Variants in ARFGEF1 observed in about 807,000 individuals in gnomAD.
The protein encoded by ARFGEF1 is ARF guanine nucleotide exchange factor 1.
A neutral mutation model predicts 231.0 loss-of-function variants in ARFGEF1; 42 were observed. The observed-to-expected ratio is 0.18, with a 90% CI of 0.14 to 0.24. The LOEUF is 0.24. Ranked by LOEUF, ARFGEF1 falls within the 10% of genes least tolerant of loss-of-function variation. ARFGEF1 has a pLI of 1.00. For synonymous variants in ARFGEF1, 710 were observed against 732.3 expected (o/e 0.97, Z 0.49); for missense variants, 1,345 against 2,192.0 (o/e 0.61, Z 7.72).
chr8:67,180,023 TAAAAA>T, intron 5 of ARFGEF1: 1 of 472,980 alleles, frequency 2.1e-6, no homozygotes, highest in Non-Finnish European at 3.6e-6. Flanking sequence ...TACAAGGTAG[TAAAAA>T]AAAAAAAAGG....
intron 33 of ARFGEF1, among the ~76,000 whole-genome samples, chr8:67,215,614 G>A (rs1047070640): frequency 6.6e-6 from 1 of 152,192 alleles, no homozygotes; most frequent in African/African-American, 2.4e-5. Flanking sequence ...GATGGTGGCA[G>A]AGATTGGAGT....
chr8:67,298,261 T>C (rs1022310039), intron 4 of ARFGEF1, among the ~76,000 whole-genome samples: 2 of 152,170 alleles, frequency 1.3e-5, no homozygotes, highest in African/African-American at 4.8e-5. Context: ...ATATAGCACA[T>C]GAAAATTTTA....
intron 1 of ARFGEF1, among the ~76,000 whole-genome samples, chr8:67,314,039 G>A (rs1395358421): frequency 2.0e-5 from 3 of 152,074 alleles, no homozygotes; most frequent in South Asian, 2.1e-4. Context: ...GGTTGTCAGC[G>A]AAGTGGGGGA....
chr8:67,300,544 C>G (rs1437110756), intron 3 of ARFGEF1, among the ~76,000 whole-genome samples: 1 of 151,186 alleles, frequency 6.6e-6, no homozygotes, highest in Non-Finnish European at 1.5e-5. Flanking sequence ...ACTGGCCAGG[C>G]ACAGTGGCTC....
downstream of ARFGEF1, among the ~76,000 whole-genome samples, chr8:67,194,232 GTAA>G (rs1344333253): frequency 2.6e-5 from 4 of 152,134 alleles, no homozygotes; most frequent in South Asian, 2.1e-4. Context: ...TTTCATATTG[GTAA>G]TAATAATAGT....
intron 1 of ARFGEF1, among the ~76,000 whole-genome samples, chr8:67,302,974 T>C (rs963337998): frequency 6.7e-6 from 1 of 148,800 alleles, no homozygotes; most frequent in African/African-American, 2.5e-5. Flanking sequence ...CCTACAGTCC[T>C]AGCTATGTGG....
downstream of ARFGEF1, chr8:67,195,250 AAC>A: frequency 1.4e-6 from 1 of 724,970 alleles, no homozygotes; most frequent in Middle Eastern, 4.0e-4. Context: ...AAAACAAACA[AAC>A]AGTAGAGTTC....
At chr8:67,219,385 A>G in intron 30 of ARFGEF1, 46 bp downstream of exon 30, 1 of 1,577,248 alleles carries the variant, frequency 6.3e-7, no homozygotes, top group Non-Finnish European at 8.6e-7. Flanking sequence ...AATACTGAGA[A>G]TCTTTTAACT....
intron 4 of ARFGEF1, among the ~76,000 whole-genome samples, chr8:67,297,161 T>A (rs1335657673): frequency 6.6e-6 from 1 of 152,218 alleles, no homozygotes; most frequent in South Asian, 2.1e-4. Context: ...AACTGATTTG[T>A]TTCAACCAAG....
At chr8:67,311,293 G>T (rs1193986117) in intron 1 of ARFGEF1, among the ~76,000 whole-genome samples, 3 of 132,426 alleles carry the variant, frequency 2.3e-5, no homozygotes, top group Non-Finnish European at 3.3e-5. Flanking sequence ...AGGTGGGGGG[G>T]GTCAGCCCCC....
chr8:67,278,257 G>A (rs781109975), intron 7 of ARFGEF1, among the ~76,000 whole-genome samples: 1 of 152,120 alleles, frequency 6.6e-6, no homozygotes, highest in Non-Finnish European at 1.5e-5. Context: ...TTAAAGACCT[G>A]TGTTTCAATC....
rs1230083665 is a variant in ARFGEF1 at position 67,204,664 on chromosome 8, C to T, written c.4959+16G>A. ...CTACTTACACAAAAAAAGCAGCTGTCCTCCTATCTCCTTACCTGTGCTGCA... is the reference window on the plus strand; with the variant it reads ...CTACTTACACAAAAAAAGCAGCTGTTCTCCTATCTCCTTACCTGTGCTGCA... On this transcript the variant is annotated intron_variant, in intron 35 of 38. Transcript: ENST00000262215. 6.2e-7 allele frequency: 1 copy of T among 1,601,468 alleles called. No individual in the cohort carries two copies. The highest frequency in any genetic ancestry group is 1.3e-5 in the African/African-American group (1 of 74,458).
chr8:67,328,854 AAAG>A (rs1191458562), intron 1 of ARFGEF1, among the ~76,000 whole-genome samples: 1 of 152,254 alleles, frequency 6.6e-6, no homozygotes, highest in East Asian at 1.9e-4. Context: ...AAAGAAGGAG[AAAG>A]AAGGAGAATC....
At chr8:67,320,496 A>T (rs1363159400) in intron 1 of ARFGEF1, among the ~76,000 whole-genome samples, 2 of 152,090 alleles carry the variant, frequency 1.3e-5, no homozygotes, top group East Asian at 3.9e-4. Context: ...CAGCAGTCCC[A>T]CTCCTGGGTA....
chr8:67,266,809 G>A, intron 13 of ARFGEF1, 67 bp downstream of exon 13: 1 of 1,264,596 alleles, frequency 7.9e-7, no homozygotes, highest in African/African-American at 1.5e-5. Flanking sequence ...AACAGCAGCT[G>A]CAACTATCCT....
intron 7 of ARFGEF1, among the ~76,000 whole-genome samples, chr8:67,279,250 C>A (rs1473586414): frequency 1.3e-5 from 2 of 152,184 alleles, no homozygotes; most frequent in Non-Finnish European, 2.9e-5. Context: ...CCAATTACAT[C>A]TCTTCCTATG....
chr8:67,233,579 T>C (rs1839620888), intron 22 of ARFGEF1, among the ~76,000 whole-genome samples: 1 of 152,024 alleles, frequency 6.6e-6, no homozygotes, highest in South Asian at 2.1e-4. Flanking sequence ...TCATATCACC[T>C]GTTCATTTCC....
In ARFGEF1 at chr8:67,198,160, T is replaced by A. The variant is rs1838164547; in HGVS notation, c.*774A>T. 3.0e-6 allele frequency: 3 copies of A among 985,680 alleles called. No individual in the cohort carries two copies. Among genetic ancestry groups the A allele is most frequent in the Admixed American group, 6.2e-5 (1 of 16,258 alleles). 61.1% of individuals were successfully genotyped at this position (985,680 alleles called of 1,614,324 possible). On this transcript the variant is annotated 3_prime_UTR_variant, in exon 39 of 39. Coordinates refer to ENST00000262215, the MANE Select transcript of ARFGEF1 (RefSeq NM_006421.5). Reference sequence around the variant, plus strand: ...AGTAGGGATATTTTCTACCTTTTTTTCCCTATTGTTGAAGTGTCGGCCACA... The same window carrying A: ...AGTAGGGATATTTTCTACCTTTTTTACCCTATTGTTGAAGTGTCGGCCACA...
intron 27 of ARFGEF1, among the ~76,000 whole-genome samples, 154 bp downstream of exon 27, chr8:67,226,983 A>C (rs899208670): frequency 6.6e-6 from 1 of 152,110 alleles, no homozygotes; most frequent in Non-Finnish European, 1.5e-5. Flanking sequence ...TAACTATAAT[A>C]GTAATTTAAT....
Sources: gnomAD v4.1 joint callset for allele counts (sites outside exome capture counted in the v4.1 genomes callset) on GRCh38, gnomAD v4.1.1 for gene constraint, MANE v1.5 for transcripts, NCBI Gene and HGNC (gene_info 2026-07-23, HGNC 2026-07-21) for gene names.